DMTN: variants seen among roughly 807,000 people sequenced by gnomAD.
DMTN encodes dematin actin binding protein, also known as dematin.
A neutral mutation model predicts 59.4 loss-of-function variants in DMTN; 27 were observed. The ratio of observed to expected loss-of-function variants is 0.45; its 90% CI spans 0.33 to 0.63. The LOEUF is 0.63. Among genes scored for constraint, DMTN ranks in the 20% least tolerant of loss-of-function variants. The probability of loss-of-function intolerance (pLI) is 0.02; values close to 1 mark genes in which losing one functional copy is unlikely to be tolerated. For synonymous variants in DMTN, 221 were observed against 203.7 expected, an observed-to-expected ratio of 1.08 and a Z score of -0.72; for missense variants, 451 against 528.9, an observed-to-expected ratio of 0.85 and a Z score of 1.45.
chr8:22,067,703 C>CTCCGGGGG, intron 4 of DMTN, 21 bp downstream of exon 4: 2 of 1,611,730 alleles, frequency 1.2e-6, no homozygotes, highest in Non-Finnish European at 1.7e-6. Flanking sequence ...TCCTCTTGGG[C>CTCCGGGGG]AGGACTCCGG....
intron 13 of DMTN, 64 bp downstream of exon 13, chr8:22,080,689 T>A (rs951281173): frequency 1.3e-6 from 2 of 1,585,236 alleles, no homozygotes; most frequent in African/African-American, 1.3e-5. Context: ...CCCGAAAGTG[T>A]CAGGGGAAGG....
chr8:22,050,707 C>T (rs1802411192), upstream of DMTN, among the ~76,000 whole-genome samples: 1 of 152,176 alleles, frequency 6.6e-6, no homozygotes, highest in South Asian at 2.1e-4. Context: ...GGAGTGCCCT[C>T]ATCCCACCCC....
chr8:22,055,918 G>A (rs1585602811), upstream of DMTN, among the ~76,000 whole-genome samples: 1 of 152,196 alleles, frequency 6.6e-6, no homozygotes, highest in Non-Finnish European at 1.5e-5. Flanking sequence ...ACCGGCTGGG[G>A]GCAGGGTTGC....
At chr8:22,051,698 G>T (rs1441456628), upstream of DMTN, among the ~76,000 whole-genome samples, 1 of 152,094 alleles carries the variant, frequency 6.6e-6, no homozygotes, top group African/African-American at 2.4e-5. Flanking sequence ...CTCCTTGCGC[G>T]TGACTGCTCT....
At chr8:22,061,870 C>G (rs1035292000) in intron 1 of DMTN, among the ~76,000 whole-genome samples, 3 of 151,132 alleles carry the variant, frequency 2.0e-5, no homozygotes, top group African/African-American at 7.3e-5. Flanking sequence ...CCTCCTGCCT[C>G]AGCCTCCCAA....
intron 1 of DMTN, among the ~76,000 whole-genome samples, chr8:22,062,642 C>A (rs1807451158): frequency 6.6e-6 from 1 of 152,140 alleles, no homozygotes; most frequent in Admixed American, 6.6e-5. Flanking sequence ...GCCATTCCCC[C>A]TGGCTGTACC....
At position 22,067,690 on chromosome 8, in the gene DMTN, G is replaced by A. The variant is rs1422683172; in HGVS notation, c.249+8G>A. 6.2e-7 allele frequency: 1 copy of A among 1,613,262 alleles called. No homozygotes were observed. The highest frequency in any genetic ancestry group is 8.5e-7 in the Non-Finnish European group (1 of 1,179,962). Reference sequence around the variant, plus strand: ...CTGCCTCGCAGCCGCGAGGTGAGGGGGCTCCTCTTGGGCAGGACTCCGGGG... The same window carrying A: ...CTGCCTCGCAGCCGCGAGGTGAGGGAGCTCCTCTTGGGCAGGACTCCGGGG... On this transcript the variant is annotated splice_region_variant and intron_variant, in intron 4 of 15. Coordinates refer to ENST00000358242, the MANE Select transcript of DMTN (RefSeq NM_001387751.1).
At chr8:22,070,989 T>G (rs1421197735) in intron 8 of DMTN, among the ~76,000 whole-genome samples, 1 of 152,248 alleles carries the variant, frequency 6.6e-6, no homozygotes, top group African/African-American at 2.4e-5. Flanking sequence ...CTGCACCCAC[T>G]GAATTTCAGT....
chr8:22,069,535 C>T lies in DMTN; in HGVS notation c.394+17C>T, dbSNP rs375614247. ...ACCACCCTGGTAGGTCTTCTCGGCA[C>T]GACCTCATTGTTTCCTAAGACTTTC... On this transcript the variant is annotated intron_variant, in intron 6 of 15. Coordinates refer to ENST00000358242, the MANE Select transcript of DMTN (RefSeq NM_001387751.1). 4.6e-5 allele frequency: 73 copies of T among 1,572,568 alleles called. No homozygotes were observed. Among genetic ancestry groups the T allele is most frequent in the African/African-American group, 4.1e-4 (30 of 73,272 alleles).
intron 1 of DMTN, among the ~76,000 whole-genome samples, chr8:22,061,675 C>T (rs973002471): frequency 6.6e-6 from 1 of 152,106 alleles, no homozygotes; most frequent in African/African-American, 2.4e-5. Flanking sequence ...CTGTGTGCAG[C>T]TGCACATGCT....
At position 22,072,338 on chromosome 8, in the gene DMTN, G is replaced by C; in HGVS notation, c.617G>C (p.Arg206Thr). The change falls in exon 9 of 16, where the codon AGG (arginine) becomes ACG (threonine). Residue 206 changes from arginine (R) to threonine (T), a missense_variant. Coordinates refer to ENST00000358242, the MANE Select transcript of DMTN (RefSeq NM_001387751.1). The part of the protein sequence containing the change: ...PSLAVVETEW[R>T]KRKASRRGAE... The stretch of plus-strand genomic sequence containing the variant: ...TTGTGTCTCCTAGAGACAGAATGGA[G>C]GAAGCGGAAGGCGTCTCGGAGGGGA... 1.2e-6 allele frequency: 2 copies of C among 1,601,748 alleles called. No individual in the cohort carries two copies. The highest frequency in any genetic ancestry group is 1.7e-6 in the Non-Finnish European group (2 of 1,173,800).
rs1824306145 is a variant in DMTN at position 22,081,557 on chromosome 8, A to C, written c.*94A>C. 6.3e-6 allele frequency: 7 copies of C among 1,103,734 alleles called. No homozygotes were observed. The highest frequency in any genetic ancestry group is 8.2e-6 in the Non-Finnish European group (6 of 729,876). The allele number at this position is 1,103,734 out of a possible 1,614,324, so 68.4% of individuals were successfully genotyped here. A position where few individuals can be genotyped will look rare whatever the true frequency, so the allele number is the denominator to read the frequency against. On this transcript the variant is annotated 3_prime_UTR_variant, in exon 16 of 16. Coordinates refer to ENST00000358242, the MANE Select transcript of DMTN (RefSeq NM_001387751.1). ...GAGGGGCAGGAGGTGGGGTGGAAATAGGGTGGGCTCCTTTCCTCAGGTAGA... is the reference window on the plus strand; with the variant it reads ...GAGGGGCAGGAGGTGGGGTGGAAATCGGGTGGGCTCCTTTCCTCAGGTAGA...
rs139289658 is a variant in DMTN at position 22,070,145 on chromosome 8, C to T, written c.452-37C>T. The T allele has an allele frequency of 4.6e-4, 714 of 1,558,788 alleles. No homozygotes were observed. In the African/African-American group the frequency reaches 8.8e-3, roughly 19 times the overall value. The stretch of plus-strand genomic sequence containing the variant: ...TGAAGGTAGCCAAGTTGGCCTCGGG[C>T]AGGGCACACCTGGCTGACCCTGGCC... On this transcript the variant is annotated intron_variant, in intron 7 of 15. Transcript: ENST00000358242.
intron 1 of DMTN, among the ~76,000 whole-genome samples, 193 bp downstream of exon 1, chr8:22,057,329 A>C (rs1170298227): frequency 6.6e-6 from 1 of 152,058 alleles, no homozygotes; most frequent in African/African-American, 2.4e-5. Flanking sequence ...TCTGGGGAAG[A>C]GGGCCTGGGG....
intron 2 of DMTN, 78 bp from the exon 3 acceptor site, chr8:22,067,007 C>T (rs1811211206): frequency 7.4e-7 from 1 of 1,350,112 alleles, no homozygotes; most frequent in Admixed American, 3.7e-5. Flanking sequence ...GCCCCGGGTC[C>T]CCCAGGCCTA....
chr8:22,080,266 T>C (rs1404657904), intron 11 of DMTN, 22 bp downstream of exon 11: 36 of 1,613,946 alleles, frequency 2.2e-5, no homozygotes, highest in Non-Finnish European at 2.9e-5. Flanking sequence ...GGACCAGAGA[T>C]ATAGACTACG....
At chr8:22,055,850 C>A (rs982195365), upstream of DMTN, among the ~76,000 whole-genome samples, 2 of 152,008 alleles carry the variant, frequency 1.3e-5, no homozygotes, top group African/African-American at 4.8e-5. Context: ...ATTCAGACAC[C>A]CCAGAGCCCC....
Position 22,070,354 on chromosome 8 carries a change from T to C in DMTN, c.604+20T>C. ...TTGTGGGTAGGAGAGATGGGGAGAG[T>C]GGAATGGGTGGTCTGGGAAACTCCT... is the stretch of plus-strand genomic sequence containing the variant. On this transcript the variant is annotated intron_variant, in intron 8 of 15. Coordinates refer to ENST00000358242, the MANE Select transcript of DMTN (RefSeq NM_001387751.1). The C allele has an allele frequency of 3.8e-6, 6 of 1,574,420 alleles. No individual in the cohort carries two copies. The highest frequency in any genetic ancestry group is 5.2e-6 in the Non-Finnish European group (6 of 1,161,542).
upstream of DMTN, among the ~76,000 whole-genome samples, chr8:22,051,222 G>A (rs1157012693): frequency 1.3e-5 from 2 of 152,166 alleles, no homozygotes; most frequent in Non-Finnish European, 2.9e-5. Flanking sequence ...GGCCACCAGT[G>A]CCTCAAGTCT....
Sources: gnomAD v4.1 joint callset for allele counts (sites outside exome capture counted in the v4.1 genomes callset) on GRCh38, gnomAD v4.1.1 for gene constraint, MANE v1.5 for transcripts, NCBI Gene and HGNC (gene_info 2026-07-23, HGNC 2026-07-21) for gene names.